The following WWOX variants were observed in gnomAD, a reference collection of about 807,000 sequenced individuals.
WWOX encodes the protein WW domain-containing oxidoreductase.
Under a neutral mutation model 46.2 loss-of-function variants are expected in WWOX, and 69 were observed. That is an observed-to-expected ratio of 1.49 (90% CI 1.23 to 1.82). The LOEUF is 1.82. WWOX is among the 40% of genes most tolerant of loss of function. WWOX has a pLI of 0.00. For missense variants in WWOX, 919 were observed against 542.6 expected (o/e 1.69, Z -6.89); for synonymous variants, 359 against 202.6 (o/e 1.77, Z -6.56).
chr16:78,143,240 A>C (rs1270232214), intron 4 of WWOX, among the ~76,000 whole-genome samples: 1 of 152,234 alleles, frequency 6.6e-6, no homozygotes, highest in African/African-American at 2.4e-5. Flanking sequence ...TAAATTGTCT[A>C]AAATTAAATT....
At chr16:78,276,288 G>T (rs547102239) in intron 5 of WWOX, among the ~76,000 whole-genome samples, 1 of 152,298 alleles carries the variant, frequency 6.6e-6, no homozygotes, top group East Asian at 1.9e-4. Flanking sequence ...TTGTCAAATG[G>T]GGTCATAGAG....
chr16:78,101,005 T>C (rs2031738628), intron 1 of WWOX, among the ~76,000 whole-genome samples: 1 of 152,148 alleles, frequency 6.6e-6, no homozygotes, highest in Admixed American at 6.5e-5. Flanking sequence ...GGAAACTTTT[T>C]TTGTAAGAGC....
At chr16:78,855,854 C>T (rs1055022899) in intron 8 of WWOX, among the ~76,000 whole-genome samples, 1 of 152,120 alleles carries the variant, frequency 6.6e-6, no homozygotes, top group African/African-American at 2.4e-5. Flanking sequence ...GTGTGAAGCC[C>T]AGGGGATCCA....
chr16:78,783,769 A>G (rs1260820925), intron 8 of WWOX, among the ~76,000 whole-genome samples: 3 of 151,696 alleles, frequency 2.0e-5, no homozygotes, highest in Non-Finnish European at 4.4e-5. Flanking sequence ...GTAGTATGAT[A>G]ATGCTGATGG....
intron 8 of WWOX, among the ~76,000 whole-genome samples, chr16:78,932,794 C>G (rs116332774): frequency 0.028 from 4,308 of 152,242 alleles, 200 homozygotes; most frequent in African/African-American, 0.094. Flanking sequence ...AGGCTGGTCC[C>G]AAGCCCCTCC....
At chr16:78,775,723 G>A (rs1272131984) in intron 8 of WWOX, among the ~76,000 whole-genome samples, 1 of 152,150 alleles carries the variant, frequency 6.6e-6, no homozygotes, top group Non-Finnish European at 1.5e-5. Context: ...ATTCAATGGT[G>A]GGTATTATTA....
intron 8 of WWOX, among the ~76,000 whole-genome samples, chr16:78,835,587 G>C (rs988781126): frequency 6.6e-6 from 1 of 152,156 alleles, no homozygotes; most frequent in Non-Finnish European, 1.5e-5. Flanking sequence ...AGACCTTATA[G>C]CAGTCCTATT....
At chr16:78,539,009 T>C (rs780451490) in intron 8 of WWOX, among the ~76,000 whole-genome samples, 1 of 152,174 alleles carries the variant, frequency 6.6e-6, no homozygotes, top group African/African-American at 2.4e-5. Context: ...GGGAAAGAAG[T>C]CTTGGTAAGG....
intron 8 of WWOX, among the ~76,000 whole-genome samples, chr16:79,031,086 C>A (rs1177838727): frequency 9.6e-6 from 1 of 104,388 alleles, no homozygotes; most frequent in South Asian, 4.0e-4. Context: ...GAGTGAGACC[C>A]TGTCTCAAAA....
At chr16:78,641,735 G>T (rs112938788) in intron 8 of WWOX, among the ~76,000 whole-genome samples, 2,853 of 152,236 alleles carry the variant, frequency 0.019, 91 homozygotes, top group African/African-American at 0.065. Flanking sequence ...GATAGACCCT[G>T]AGTAGCAAAA....
At chr16:78,422,761 A>G (rs2082971833) in intron 6 of WWOX, among the ~76,000 whole-genome samples, 1 of 113,658 alleles carries the variant, frequency 8.8e-6, no homozygotes, top group South Asian at 2.9e-4. Context: ...ATATATACAC[A>G]TATATATACA....
chr16:78,955,655 G>GTTTTTTTTTTTTTTTTTT (rs369149420), intron 8 of WWOX, among the ~76,000 whole-genome samples: 1 of 148,492 alleles, frequency 6.7e-6, no homozygotes. Flanking sequence ...ATTTATTTTT[G>GTTTTTTTTTTTTTTTTTT]TTTTTTTTGT....
rs73581227 is a variant in WWOX, at chr16:78,906,191, G to C, written c.1057-305417G>C. Among the ~76,000 whole-genome samples the C allele has an allele frequency of 2.1e-3, 313 of 152,298 alleles. 2 individuals carry two copies. The highest frequency in any genetic ancestry group is 7.3e-3 in the African/African-American group (303 of 41,554). On this transcript the variant is annotated intron_variant, in intron 8 of 8. Transcript: ENST00000566780. ...ATCTAGGGACATCTGGGGCAGCAGAGAGCCACTGGTGTGGTGAGTTATCTC... is the reference window on the plus strand; with the variant it reads ...ATCTAGGGACATCTGGGGCAGCAGACAGCCACTGGTGTGGTGAGTTATCTC...
At chr16:78,746,612 G>A (rs1182505989) in intron 8 of WWOX, among the ~76,000 whole-genome samples, 1 of 150,938 alleles carries the variant, frequency 6.6e-6, no homozygotes, top group Non-Finnish European at 1.5e-5. Flanking sequence ...TTTTTTTCAT[G>A]GGATATTAGT....
At chr16:79,159,707 C>T (rs377372757) in intron 8 of WWOX, among the ~76,000 whole-genome samples, 6 of 152,182 alleles carry the variant, frequency 3.9e-5, no homozygotes, top group South Asian at 2.1e-4. Context: ...AGATAGCAGG[C>T]AGTATTAAAC....
intron 8 of WWOX, among the ~76,000 whole-genome samples, chr16:79,008,765 G>T (rs1055698591): frequency 6.6e-6 from 1 of 152,180 alleles, no homozygotes; most frequent in Non-Finnish European, 1.5e-5. Flanking sequence ...GCAAACAAAG[G>T]GAGATCACAG....
chr16:78,509,420 C>G (rs949436808), intron 8 of WWOX, among the ~76,000 whole-genome samples: 3 of 143,066 alleles, frequency 2.1e-5, no homozygotes, highest in Admixed American at 1.5e-4. Flanking sequence ...GCATTGGTGA[C>G]AGAGCGAGAC....
chr16:78,712,612 C>G (rs551071041), intron 8 of WWOX, among the ~76,000 whole-genome samples: 1 of 152,106 alleles, frequency 6.6e-6, no homozygotes, highest in East Asian at 1.9e-4. Context: ...CTCTCAAAGA[C>G]ATTTTTCTGA....
chr16:78,895,114 A>T (rs1015720797), intron 8 of WWOX, among the ~76,000 whole-genome samples: 1 of 152,186 alleles, frequency 6.6e-6, no homozygotes, highest in African/African-American at 2.4e-5. Flanking sequence ...GAGGGCAGTT[A>T]TTAGGCATAT....
Sources: gnomAD v4.1 joint callset for allele counts (sites outside exome capture counted in the v4.1 genomes callset) on GRCh38, gnomAD v4.1.1 for gene constraint, MANE v1.5 for transcripts, NCBI Gene and HGNC (gene_info 2026-07-23, HGNC 2026-07-21) for gene names.